The following DAAM1 variants were observed in gnomAD, a reference collection of about 807,000 sequenced individuals.
DAAM1 encodes disheveled-associated activator of morphogenesis 1.
Under a neutral mutation model 130.0 loss-of-function variants are expected in DAAM1, and 52 were observed. The observed-to-expected ratio is 0.40, with a 90% confidence interval of 0.32 to 0.50. The LOEUF (loss-of-function observed/expected upper bound fraction) is 0.50, where lower values mean the gene tolerates loss of function less well. DAAM1 is among the 20% of genes least tolerant of loss of function. DAAM1 has a pLI of 0.61. For missense variants in DAAM1, 1,134 were observed against 1,303.8 expected (o/e 0.87, Z 2.01); for synonymous variants, 452 against 444.5 (o/e 1.02, Z -0.21).
intron 22 of DAAM1, among the ~76,000 whole-genome samples, chr14:59,361,254 G>A (rs1188841870): frequency 6.6e-6 from 1 of 152,192 alleles, no homozygotes; most frequent in African/African-American, 2.4e-5. Flanking sequence ...CTTCTCAGTT[G>A]TTTTTGACTT....
intron 17 of DAAM1, among the ~76,000 whole-genome samples, chr14:59,349,618 G>A (rs1331404690): frequency 2.0e-5 from 3 of 152,236 alleles, no homozygotes; most frequent in Non-Finnish European, 4.4e-5. Flanking sequence ...TGTGCCTGGT[G>A]GCTGCTTTCA....
chr14:59,364,699 A>G (rs532522084), intron 23 of DAAM1, among the ~76,000 whole-genome samples: 6 of 152,330 alleles, frequency 3.9e-5, no homozygotes, highest in Non-Finnish European at 7.3e-5. Flanking sequence ...GGTTGTAGAT[A>G]TGGATGATTG....
In DAAM1 at chr14:59,263,547, C is replaced by T. The variant is rs1882279035; in HGVS notation, c.70C>T (p.Pro24Ser). 1 of 1,614,130 alleles carries T rather than the reference C, an allele frequency of 6.2e-7. No homozygotes were observed. Among genetic ancestry groups the T allele is most frequent in the Non-Finnish European group, 8.5e-7 (1 of 1,180,010 alleles). Residue 24 changes from proline to serine, a missense_variant, in exon 2 of 25, where the codon CCA becomes TCA. By Grantham distance (74) the Pro-to-Ser change is moderately conservative (BLOSUM62 -1). Transcript: ENST00000360909. ...TTGCTGTTTCCGAAATAATGATCAC[C>T]CAGAAATCACGTATCGGCTGCGAAA... The part of the protein sequence containing the change: ...IFCCFRNNDH[P>S]EITYRLRNDS...
At chr14:59,358,699 C>T (rs1011123452) in intron 20 of DAAM1, among the ~76,000 whole-genome samples, 11 of 151,906 alleles carry the variant, frequency 7.2e-5, no homozygotes, top group Non-Finnish European at 1.6e-4. Flanking sequence ...GAAAATTAGC[C>T]GGGCATGGTG....
At chr14:59,339,113 T>C (rs138588739) in intron 15 of DAAM1, among the ~76,000 whole-genome samples, 12 of 152,234 alleles carry the variant, frequency 7.9e-5, no homozygotes, top group African/African-American at 2.4e-4. Context: ...AAACAGACTT[T>C]AGAGGTACTA....
At chr14:59,303,792 C>T (rs185680997) in intron 3 of DAAM1, among the ~76,000 whole-genome samples, 26 of 152,098 alleles carry the variant, frequency 1.7e-4, no homozygotes, top group African/African-American at 5.1e-4. Flanking sequence ...CCCAGCTACT[C>T]GAGAGGTTGA....
chr14:59,242,074 G>A (rs1424272312), intron 1 of DAAM1, among the ~76,000 whole-genome samples: 1 of 152,104 alleles, frequency 6.6e-6, no homozygotes, highest in African/African-American at 2.4e-5. Flanking sequence ...GCCTCTTTAA[G>A]GATAAACAGG....
intron 17 of DAAM1, among the ~76,000 whole-genome samples, chr14:59,348,536 A>C (rs1886167629): frequency 6.6e-6 from 1 of 152,122 alleles, no homozygotes; most frequent in Non-Finnish European, 1.5e-5. Context: ...ATGGGCTCAC[A>C]TTTTGAGTGG....
At chr14:59,198,692 G>A (rs916305980) in intron 1 of DAAM1, among the ~76,000 whole-genome samples, 22 of 152,226 alleles carry the variant, frequency 1.4e-4, no homozygotes, top group Non-Finnish European at 1.3e-4. Context: ...GGATAATGCT[G>A]AGTAAATGTA....
At chr14:59,346,767 T>A (rs1334402048) in intron 16 of DAAM1, among the ~76,000 whole-genome samples, 1 of 152,240 alleles carries the variant, frequency 6.6e-6, no homozygotes, top group Non-Finnish European at 1.5e-5. Context: ...TTACAGTCAA[T>A]ACTTTGTTGT....
intron 12 of DAAM1, among the ~76,000 whole-genome samples, chr14:59,327,552 C>T (rs1047071756): frequency 2.0e-5 from 3 of 151,772 alleles, no homozygotes; most frequent in Non-Finnish European, 4.4e-5. Context: ...GGACTACCGG[C>T]GCCCGCCATC....
chr14:59,257,203 G>A (rs1881935768), intron 1 of DAAM1, among the ~76,000 whole-genome samples: 2 of 152,004 alleles, frequency 1.3e-5, no homozygotes, highest in South Asian at 4.2e-4. Flanking sequence ...GACAACTATG[G>A]GAAGAACACC....
chr14:59,206,209 A>T (rs554479567), intron 1 of DAAM1, among the ~76,000 whole-genome samples: 2 of 151,794 alleles, frequency 1.3e-5, no homozygotes, highest in African/African-American at 4.8e-5. Context: ...TTTTTCCTTA[A>T]CCTCTCTTGA....
chr14:59,367,170 C>G (rs1886950316), intron 23 of DAAM1, among the ~76,000 whole-genome samples: 1 of 152,036 alleles, frequency 6.6e-6, no homozygotes, highest in African/African-American at 2.4e-5. Flanking sequence ...TGCCTGTAAT[C>G]CCAGCTACTT....
chr14:59,330,773 C>A, intron 13 of DAAM1, 85 bp downstream of exon 13: 1 of 1,321,778 alleles, frequency 7.6e-7, no homozygotes. Flanking sequence ...GAACTTCATA[C>A]TGGGGGAATA....
intron 1 of DAAM1, among the ~76,000 whole-genome samples, chr14:59,207,498 C>G (rs1258852475): frequency 6.6e-6 from 1 of 152,150 alleles, no homozygotes; most frequent in Admixed American, 6.5e-5. Flanking sequence ...AATTAAGAAG[C>G]TTTAAAACTA....
At chr14:59,278,873 C>A (rs1312065057) in intron 2 of DAAM1, among the ~76,000 whole-genome samples, 1 of 152,158 alleles carries the variant, frequency 6.6e-6, no homozygotes, top group Non-Finnish European at 1.5e-5. Context: ...TTCTTTCCTC[C>A]TTCTTCATAC....
At chr14:59,226,633 A>G (rs1178097532) in intron 1 of DAAM1, among the ~76,000 whole-genome samples, 3 of 152,222 alleles carry the variant, frequency 2.0e-5, no homozygotes, top group Admixed American at 1.3e-4. Flanking sequence ...GGCAAAAACA[A>G]CAACAGATTT....
intron 2 of DAAM1, among the ~76,000 whole-genome samples, chr14:59,286,734 G>T (rs1883474690): frequency 6.6e-6 from 1 of 152,050 alleles, no homozygotes; most frequent in Admixed American, 6.6e-5. Context: ...GAACCAGGAA[G>T]AAATTTAAGT....
Sources: gnomAD v4.1 joint callset for allele counts (sites outside exome capture counted in the v4.1 genomes callset) on GRCh38, gnomAD v4.1.1 for gene constraint, MANE v1.5 for transcripts, NCBI Gene and HGNC (gene_info 2026-07-23, HGNC 2026-07-21) for gene names.